SIPA1L3: variants seen among roughly 807,000 people sequenced by gnomAD.
SIPA1L3 encodes signal induced proliferation associated 1 like 3.
SIPA1L3 carries 59 observed loss-of-function variants against 150.1 expected under a neutral mutation model. That is an observed-to-expected ratio of 0.39 (90% confidence interval 0.32 to 0.49). SIPA1L3 has a LOEUF of 0.49. Ranked by LOEUF, SIPA1L3 falls within the 20% of genes least tolerant of loss-of-function variation. The pLI is 0.86. For synonymous variants in SIPA1L3, 1,070 were observed against 1,077.6 expected, an observed-to-expected ratio of 0.99 and a Z score of 0.14; for missense variants, 2,211 against 2,489.5, an observed-to-expected ratio of 0.89 and a Z score of 2.38.
intron 13 of SIPA1L3, among the ~76,000 whole-genome samples, chr19:38,154,065 C>G (rs1055930960): frequency 3.9e-5 from 6 of 152,188 alleles, no homozygotes; most frequent in Admixed American, 1.3e-4. Context: ...GTTAGTACCC[C>G]CAAAGGAACC....
chr19:38,130,783 C>T lies in SIPA1L3; in HGVS notation c.3143+11C>T, dbSNP rs767152183. ...CGGCACTCCCCGGAGGTAAGGGCCT[C>T]CACCTTTCAGCCAGGTGGTGGGTGG... On this transcript the variant is annotated intron_variant, in intron 10 of 21. Coordinates refer to ENST00000222345, the MANE Select transcript of SIPA1L3 (RefSeq NM_015073.3). 3.2e-6 allele frequency: 5 copies of T among 1,584,932 alleles called. No individual in the cohort carries two copies. Among genetic ancestry groups the T allele is most frequent in the Admixed American group, 3.4e-5 (2 of 58,586 alleles).
intron 1 of SIPA1L3, among the ~76,000 whole-genome samples, chr19:37,908,840 C>G (rs1425404672): frequency 2.6e-5 from 4 of 152,156 alleles, no homozygotes; most frequent in African/African-American, 9.6e-5. Flanking sequence ...TATGTTCACT[C>G]CAGTGCTTTA....
chr19:38,138,425 AAG>A (rs1971486252), intron 10 of SIPA1L3, among the ~76,000 whole-genome samples: 1 of 152,178 alleles, frequency 6.6e-6, no homozygotes, highest in African/African-American at 2.4e-5. Flanking sequence ...GGCGCCGCAA[AAG>A]AGAGTCTTCA....
chr19:37,960,150 C>T (rs568941417), intron 1 of SIPA1L3, among the ~76,000 whole-genome samples: 1 of 152,238 alleles, frequency 6.6e-6, no homozygotes, highest in South Asian at 2.1e-4. Flanking sequence ...GTTATATGGC[C>T]TCTTTTCCTT....
chr19:38,198,792 C>T (rs553370326), intron 19 of SIPA1L3, among the ~76,000 whole-genome samples: 2 of 152,340 alleles, frequency 1.3e-5, no homozygotes, highest in African/African-American at 4.8e-5. Context: ...CAAAACACCA[C>T]GTGTAAAACA....
At chr19:37,952,292 G>A (rs2046771529) in intron 1 of SIPA1L3, among the ~76,000 whole-genome samples, 1 of 152,160 alleles carries the variant, frequency 6.6e-6, no homozygotes, top group Non-Finnish European at 1.5e-5. Context: ...CCTCAAGTCA[G>A]TTTGAATTGG....
rs770932121 is a variant in SIPA1L3, at chr19:37,918,714, AG to A, written c.-379+11357del. ...GTGAAATCCCATCTCTACTAAAAAT[AG>A]AAAAAATTAGCCAGGCATGGTGGTG... On this transcript the variant is annotated intron_variant, in intron 1 of 21. Transcript: ENST00000222345. Among the ~76,000 whole-genome samples the A allele has an allele frequency of 1.7e-4, 26 of 151,786 alleles. No homozygotes were observed. The East Asian group carries it at 5.1e-3, about 30-fold the overall frequency.
chr19:38,111,868 C>T (rs893746653), intron 8 of SIPA1L3, among the ~76,000 whole-genome samples: 58 of 152,334 alleles, frequency 3.8e-4, no homozygotes, highest in African/African-American at 1.3e-3. Flanking sequence ...TATTTACACA[C>T]ATGCACACGC....
At chr19:38,196,875 A>G (rs1235483222) in intron 18 of SIPA1L3, among the ~76,000 whole-genome samples, 1 of 152,172 alleles carries the variant, frequency 6.6e-6, no homozygotes. Context: ...GCCTGAGTTT[A>G]TGTCCCACGT....
rs770521761 is a variant in SIPA1L3, at chr19:37,920,058, A to AT, written c.-379+12719dup. Among the ~76,000 whole-genome samples the AT allele has an allele frequency of 6.3e-3, 750 of 119,612 alleles. 1 individual carries two copies. The highest frequency in any genetic ancestry group is 0.016 in the Middle Eastern group (3 of 184). The allele number at this position is 119,612 out of a possible 152,430, so 78.5% of individuals were successfully genotyped here. A position where few individuals can be genotyped will look rare whatever the true frequency, so the allele number is the denominator to read the frequency against. ...TCTGGCCAGTGCTTCTTGGTTTGTA[A>AT]TTTTTTTTTTTTTTTTTTTGAGATA... is the stretch of plus-strand genomic sequence containing the variant. On this transcript the variant is annotated intron_variant, in intron 1 of 21. Coordinates refer to ENST00000222345, the MANE Select transcript of SIPA1L3 (RefSeq NM_015073.3).
At chr19:37,980,529 A>G (rs940522563) in intron 1 of SIPA1L3, among the ~76,000 whole-genome samples, 1 of 152,198 alleles carries the variant, frequency 6.6e-6, no homozygotes, top group East Asian at 1.9e-4. Context: ...TTCTAGGCAG[A>G]GGGAACAGTG....
At chr19:37,941,663 A>T (rs1449942780) in intron 1 of SIPA1L3, among the ~76,000 whole-genome samples, 4 of 152,160 alleles carry the variant, frequency 2.6e-5, no homozygotes, top group African/African-American at 7.2e-5. Context: ...TGTCGAAGTA[A>T]TGAGACTGTG....
chr19:38,206,047 C>A, intron 21 of SIPA1L3, 50 bp from the exon 22 acceptor site: 1 of 1,494,382 alleles, frequency 6.7e-7, no homozygotes, highest in South Asian at 1.3e-5. Flanking sequence ...TCGGCTGTTC[C>A]AGGAGCGGCC....
chr19:38,181,006 C>T (rs1972543068), intron 15 of SIPA1L3, among the ~76,000 whole-genome samples: 1 of 152,166 alleles, frequency 6.6e-6, no homozygotes, highest in Middle Eastern at 3.2e-3. Flanking sequence ...TCCTCTCCTT[C>T]CAAAGTTCCT....
At chr19:38,194,570 GC>G (rs1374999781) in intron 18 of SIPA1L3, among the ~76,000 whole-genome samples, 2 of 152,146 alleles carry the variant, frequency 1.3e-5, no homozygotes, top group Non-Finnish European at 2.9e-5. Context: ...ATAATACACA[GC>G]ATCTGCACAC....
chr19:38,178,119 G>T, intron 15 of SIPA1L3, among the ~76,000 whole-genome samples: 1 of 141,112 alleles, frequency 7.1e-6, no homozygotes, highest in African/African-American at 3.1e-5. Flanking sequence ...GTGTGTGTGT[G>T]TGTGTGTGTG....
chr19:38,052,422 G>A (rs1027202179), intron 2 of SIPA1L3, among the ~76,000 whole-genome samples: 11 of 152,194 alleles, frequency 7.2e-5, no homozygotes, highest in East Asian at 3.9e-4. Flanking sequence ...AGTGTTGGGC[G>A]GAGGCCTCCT....
intron 2 of SIPA1L3, among the ~76,000 whole-genome samples, chr19:38,060,261 C>T (rs1381539805): frequency 6.6e-6 from 1 of 152,170 alleles, no homozygotes; most frequent in Non-Finnish European, 1.5e-5. Flanking sequence ...CACTTAGTAT[C>T]ATGTCCGAGA....
chr19:38,195,584 C>T (rs780517295), intron 18 of SIPA1L3, among the ~76,000 whole-genome samples: 10 of 152,188 alleles, frequency 6.6e-5, no homozygotes, highest in East Asian at 3.8e-4. Context: ...GGGCTGGTCA[C>T]GAAGTAGATG....
Sources: gnomAD v4.1 joint callset for allele counts (sites outside exome capture counted in the v4.1 genomes callset) on GRCh38, gnomAD v4.1.1 for gene constraint, MANE v1.5 for transcripts, NCBI Gene and HGNC (gene_info 2026-07-23, HGNC 2026-07-21) for gene names.